Variants in TNS1 observed in about 807,000 individuals in gnomAD.
The protein encoded by TNS1 is tensin 1, also known as tensin-1.
In TNS1, 62 loss-of-function variants were observed where a neutral mutation model predicts 168.6. That is an observed-to-expected ratio of 0.37 (90% CI 0.30 to 0.45). The LOEUF is 0.45. Ranked by LOEUF, TNS1 falls within the 20% of genes least tolerant of loss-of-function variation. TNS1 has a pLI of 1.00. For synonymous variants in TNS1, 934 were observed against 933.2 expected, an observed-to-expected ratio of 1.00 and a Z score of -0.02; for missense variants, 2,240 against 2,339.4, an observed-to-expected ratio of 0.96 and a Z score of 0.88.
chr2:217,850,361 T>C (rs1345022108), intron 18 of TNS1: 2 of 985,040 alleles, frequency 2.0e-6, no homozygotes, highest in African/African-American at 3.5e-5. Context: ...GTCTTAGGGA[T>C]CGTGAACACA....
chr2:217,905,730 G>A (rs531347865), intron 6 of TNS1, among the ~76,000 whole-genome samples: 4 of 152,314 alleles, frequency 2.6e-5, no homozygotes, highest in Admixed American at 2.0e-4. Context: ...GACCAACCCC[G>A]AACGGGGCTC....
intron 3 of TNS1, among the ~76,000 whole-genome samples, chr2:217,945,035 C>T (rs961345132): frequency 2.0e-5 from 3 of 152,206 alleles, no homozygotes; most frequent in Non-Finnish European, 2.9e-5. Flanking sequence ...AGCTGAAGAT[C>T]GTGACCTCGG....
chr2:217,832,762 G>A lies in TNS1; in HGVS notation c.3281-1215C>T, dbSNP rs13390967. Among the ~76,000 whole-genome samples, 1,152 of 152,280 alleles carry A rather than the reference G, an allele frequency of 7.6e-3. 10 individuals are homozygous for A. The highest frequency in any genetic ancestry group is 0.026 in the African/African-American group (1,096 of 41,550). On this transcript the variant is annotated intron_variant, in intron 21 of 32. Coordinates refer to ENST00000682258, the MANE Select transcript of TNS1 (RefSeq NM_001387777.1). ...CGTGGGAACAGGAAGATATCACAGGGGTCCGGATGAGTGGCACACCCCTGC... is the reference window on the plus strand; with the variant it reads ...CGTGGGAACAGGAAGATATCACAGGAGTCCGGATGAGTGGCACACCCCTGC...
chr2:217,852,153 A>G (rs1406868154), intron 18 of TNS1, among the ~76,000 whole-genome samples: 1 of 152,116 alleles, frequency 6.6e-6, no homozygotes, highest in Admixed American at 6.5e-5. Context: ...TCAAAAAAAA[A>G]GAAGAGACCC....
At chr2:217,954,452 G>A (rs1012418679) in intron 3 of TNS1, among the ~76,000 whole-genome samples, 1 of 152,206 alleles carries the variant, frequency 6.6e-6, no homozygotes, top group African/African-American at 2.4e-5. Context: ...CTCTGAGGGT[G>A]CTCCGGGTAC....
chr2:218,020,691 T>C (rs1187782792), intron 1 of TNS1, among the ~76,000 whole-genome samples: 1 of 152,192 alleles, frequency 6.6e-6, no homozygotes, highest in African/African-American at 2.4e-5. Flanking sequence ...GTTAAAGGCC[T>C]GGGGGCTAGC....
chr2:217,847,017 C>G (rs750756884), intron 19 of TNS1, among the ~76,000 whole-genome samples: 1 of 152,204 alleles, frequency 6.6e-6, no homozygotes, highest in Non-Finnish European at 1.5e-5. Flanking sequence ...AGGCCTCCCT[C>G]CAGCCTTCTC....
At chr2:217,810,186 G>T in intron 29 of TNS1, 62 bp downstream of exon 29, 9 of 1,582,210 alleles carry the variant, frequency 5.7e-6, no homozygotes, top group Non-Finnish European at 7.8e-6. Context: ...TGCAGGAGGG[G>T]TCAGGGCAGG....
At chr2:217,951,383 T>C (rs1957237186) in intron 3 of TNS1, among the ~76,000 whole-genome samples, 1 of 152,220 alleles carries the variant, frequency 6.6e-6, no homozygotes, top group African/African-American at 2.4e-5. Flanking sequence ...AGTGAGTGTT[T>C]CCCAATTGAC....
chr2:217,966,637 T>A (rs1484636675), intron 3 of TNS1, among the ~76,000 whole-genome samples: 1 of 151,976 alleles, frequency 6.6e-6, no homozygotes, highest in Non-Finnish European at 1.5e-5. Flanking sequence ...ATGCACTGAG[T>A]CAAACTTGAC....
At chr2:217,814,821 G>A (rs931964710) in intron 25 of TNS1, 91 bp downstream of exon 25, 8 of 1,052,380 alleles carry the variant, frequency 7.6e-6, no homozygotes, top group Admixed American at 4.1e-5. Flanking sequence ...CTACAAAGAG[G>A]ACTGAATTTG....
intron 18 of TNS1, chr2:217,859,362 C>G (rs1304187573): frequency 2.4e-6 from 1 of 421,024 alleles, no homozygotes; most frequent in Non-Finnish European, 4.2e-6. Flanking sequence ...TTCCCTCTCT[C>G]TCCCCCTTTC....
At chr2:217,893,217 C>T (rs1951914777) in intron 10 of TNS1, among the ~76,000 whole-genome samples, 2 of 152,166 alleles carry the variant, frequency 1.3e-5, no homozygotes, top group Non-Finnish European at 2.9e-5. Context: ...CATCCACTGC[C>T]GTGGACATAA....
At position 217,870,791 on chromosome 2, in the gene TNS1, A is replaced by G. The variant is rs539270493; in HGVS notation, c.1429+10107T>C. Among the ~76,000 whole-genome samples the G allele has an allele frequency of 1.3e-4, 20 of 152,292 alleles. No homozygotes were observed. The South Asian group carries it at 3.9e-3, about 30-fold the overall frequency. On this transcript the variant is annotated intron_variant, in intron 18 of 32. Transcript: ENST00000682258. ...GCAGAGGCTGCTGCCCAAGCATGCC[A>G]GCTGCCTCGCAGAGCAGGGCCAGCT...
intron 3 of TNS1, among the ~76,000 whole-genome samples, chr2:217,964,344 C>G (rs1044603759): frequency 6.6e-6 from 1 of 152,194 alleles, no homozygotes; most frequent in Non-Finnish European, 1.5e-5. Context: ...GGCTGTGCAA[C>G]TTGTCCAGTG....
At chr2:217,840,819 C>T (rs1488700093) in intron 19 of TNS1, among the ~76,000 whole-genome samples, 1 of 152,220 alleles carries the variant, frequency 6.6e-6, no homozygotes, top group Non-Finnish European at 1.5e-5. Flanking sequence ...GCCTGCATCT[C>T]CTCAGGGGAC....
At chr2:217,881,301 G>T in intron 17 of TNS1, 1 of 345,516 alleles carries the variant, frequency 2.9e-6, no homozygotes, top group South Asian at 5.6e-5. Flanking sequence ...GAGGACCCCT[G>T]GCTGGGTACC....
In TNS1 at chr2:217,813,265, G is replaced by T; in HGVS notation, c.4904C>A (p.Thr1635Asn). 6.2e-7 allele frequency: 1 copy of T among 1,601,216 alleles called. No individual in the cohort carries two copies. Among genetic ancestry groups the T allele is most frequent in the Non-Finnish European group, 8.5e-7 (1 of 1,172,930 alleles). ...CTTGAGCTTGACTCCTCTGGGGCCA[G>T]TCTCTATCAGAAAATGCCTGACCAG... ...HELVRHFLIE[T>N]GPRGVKLKGC... is the part of the protein sequence containing the mutation. Residue 1635 changes from threonine to asparagine, a missense_variant, in exon 27 of 33, where the codon ACT becomes AAT. Thr to Asn is a moderately conservative substitution (Grantham distance 65). Around this residue, in one of 2 missense-constraint regions of TNS1, gnomAD observed 2,131 missense variants for 2,171.2 expected, o/e 0.98. Transcript: ENST00000682258. This position sits in a 1 kb window ranked among gnomAD's most constrained non-coding sequence, Gnocchi z 4.0.
rs137962071 is a variant in TNS1 at position 217,817,775 on chromosome 2, G to A, written c.4557C>T (p.Val1519=). The A allele has an allele frequency of 2.0e-5, 32 of 1,613,674 alleles. No homozygotes were observed. The highest frequency in any genetic ancestry group is 4.0e-5 in the African/African-American group (3 of 74,812). ...CACTGGGACTGGACATGCCGCTGGC[G>A]ACAGGCGAAGACACCTTCCCATTGA... ...ATINGKVSSP[V]ASGMSSPSGG... The change falls in exon 24 of 33, where the codon GTC becomes GTT. Residue 1519 remains valine, a synonymous_variant. Coordinates refer to ENST00000682258, the MANE Select transcript of TNS1 (RefSeq NM_001387777.1).
Sources: allele counts gnomAD v4.1 joint callset (sites outside exome capture counted in the v4.1 genomes callset), GRCh38; gene constraint gnomAD v4.1.1; regional missense constraint gnomAD v4.1.1; non-coding constraint Gnocchi (gnomAD v3.1); transcripts MANE v1.5; gene names NCBI Gene and HGNC (gene_info 2026-07-23, HGNC 2026-07-21).